The following CLIC5 variants were observed in gnomAD, a reference collection of about 807,000 sequenced individuals.
CLIC5 encodes chloride intracellular channel protein 5.
CLIC5 carries 20 observed loss-of-function variants against 24.7 expected under a neutral mutation model. That is an observed-to-expected ratio of 0.81 (90% confidence interval 0.57 to 1.18). The LOEUF is 1.18. Ranked by LOEUF, CLIC5 falls within the 50% of genes most tolerant of loss-of-function variation. CLIC5 has a pLI of 0.00. For synonymous variants in CLIC5, 159 were observed against 135.6 expected (o/e 1.17, Z -1.20); for missense variants, 341 against 326.1 (o/e 1.05, Z -0.35).
At chr6:46,046,889 T>C (rs927658075) in intron 1 of CLIC5, among the ~76,000 whole-genome samples, 1 of 152,200 alleles carries the variant, frequency 6.6e-6, no homozygotes, top group African/African-American at 2.4e-5. Flanking sequence ...AAACAATCTG[T>C]GTCCATTTAT....
chr6:45,941,372 C>G (rs1764123489), intron 4 of CLIC5, among the ~76,000 whole-genome samples, 175 bp downstream of exon 4: 1 of 148,136 alleles, frequency 6.8e-6, no homozygotes, highest in African/African-American at 2.5e-5. Context: ...CACCTCCTCC[C>G]CTGTGTCAAG....
chr6:45,967,965 A>G (rs1399111373), intron 1 of CLIC5, among the ~76,000 whole-genome samples: 1 of 152,172 alleles, frequency 6.6e-6, no homozygotes, highest in Admixed American at 6.5e-5. Flanking sequence ...ACATTTCAAC[A>G]TGAGATTTGG....
chr6:46,120,057 C>T, the CLIC5 span, among the ~76,000 whole-genome samples: 1 of 152,204 alleles, frequency 6.6e-6, no homozygotes, highest in Non-Finnish European at 1.5e-5. Flanking sequence ...ACTTAAATGT[C>T]CCTGTCTAAC....
At chr6:45,908,285 G>A (rs928040278) in intron 5 of CLIC5, among the ~76,000 whole-genome samples, 12 of 152,032 alleles carry the variant, frequency 7.9e-5, no homozygotes, top group African/African-American at 2.9e-4. Context: ...GTTCTGCTCT[G>A]ATTTTAGTTA....
intron 1 of CLIC5, among the ~76,000 whole-genome samples, chr6:46,021,107 A>G (rs1767167911): frequency 6.7e-6 from 1 of 149,896 alleles, no homozygotes; most frequent in African/African-American, 2.5e-5. Context: ...AAAAAAAAAA[A>G]AACCCAGCTA....
the CLIC5 span, among the ~76,000 whole-genome samples, chr6:46,097,671 A>C: frequency 6.6e-6 from 1 of 152,230 alleles, no homozygotes; most frequent in African/African-American, 2.4e-5. Context: ...CTTGAATTTC[A>C]CCATTCCAGG....
the CLIC5 span, among the ~76,000 whole-genome samples, chr6:46,123,907 A>C: frequency 6.6e-6 from 1 of 152,204 alleles, no homozygotes; most frequent in African/African-American, 2.4e-5. Flanking sequence ...GGCGAGCTAC[A>C]AACCACTGCT....
intron 1 of CLIC5, among the ~76,000 whole-genome samples, chr6:46,032,866 G>A (rs1249224823): frequency 6.9e-6 from 1 of 145,970 alleles, no homozygotes; most frequent in Admixed American, 6.7e-5. Context: ...GGGAGCAGAG[G>A]AAGCAGTTTC....
chr6:45,983,560 G>A (rs1169006251), intron 1 of CLIC5, among the ~76,000 whole-genome samples: 7 of 152,286 alleles, frequency 4.6e-5, no homozygotes, highest in Non-Finnish European at 7.4e-5. Flanking sequence ...AGTTACAGAC[G>A]CTTGGGATCT....
intron 1 of CLIC5, among the ~76,000 whole-genome samples, chr6:46,066,945 A>G (rs984241073): frequency 2.0e-5 from 3 of 152,152 alleles, no homozygotes; most frequent in African/African-American, 7.2e-5. Flanking sequence ...CTCCTGGGAC[A>G]CGGTGAGTGA....
the CLIC5 span, among the ~76,000 whole-genome samples, chr6:46,128,672 A>G: frequency 6.6e-6 from 1 of 152,214 alleles, no homozygotes; most frequent in Non-Finnish European, 1.5e-5. Context: ...AGGTTGAGAC[A>G]CTGGCCCATG....
At chr6:45,975,000 G>T (rs1765339440) in intron 1 of CLIC5, among the ~76,000 whole-genome samples, 2 of 152,276 alleles carry the variant, frequency 1.3e-5, no homozygotes, top group South Asian at 4.1e-4. Context: ...CAGGATTACA[G>T]ATAAAGAATT....
At chr6:45,987,939 C>G (rs141011616) in intron 1 of CLIC5, among the ~76,000 whole-genome samples, 6 of 152,188 alleles carry the variant, frequency 3.9e-5, no homozygotes, top group South Asian at 2.1e-4. Flanking sequence ...CCCTGGCCCC[C>G]CAAAGTTCAT....
chr6:46,095,434 GT>G, the CLIC5 span, among the ~76,000 whole-genome samples: 1 of 152,100 alleles, frequency 6.6e-6, no homozygotes, highest in Non-Finnish European at 1.5e-5. Context: ...CTTTGCTCAT[GT>G]ATATGAACAT....
chr6:46,011,098 TC>T (rs1451221429), intron 1 of CLIC5, among the ~76,000 whole-genome samples: 1 of 152,338 alleles, frequency 6.6e-6, no homozygotes, highest in East Asian at 1.9e-4. Context: ...ACTAGTCGTT[TC>T]CATCAGACAA....
the CLIC5 span, among the ~76,000 whole-genome samples, chr6:46,105,254 A>T: frequency 2.6e-5 from 4 of 152,022 alleles, no homozygotes; most frequent in Admixed American, 6.6e-5. Context: ...TGTTTTTTTT[A>T]AAGTTAAAAG....
At chr6:46,074,221 T>C (rs1762702843) in intron 1 of CLIC5, among the ~76,000 whole-genome samples, 3 of 152,198 alleles carry the variant, frequency 2.0e-5, no homozygotes, top group Admixed American at 1.3e-4. Context: ...TATAAAATAT[T>C]AACATTTAAG....
chr6:45,975,021 A>G (rs774254411), intron 1 of CLIC5, among the ~76,000 whole-genome samples: 1 of 152,226 alleles, frequency 6.6e-6, no homozygotes, highest in Non-Finnish European at 1.5e-5. Flanking sequence ...GTAGACCTAT[A>G]TATTTCTTTA....
At chr6:46,067,306 C>T (rs896037796) in intron 1 of CLIC5, among the ~76,000 whole-genome samples, 12 of 151,914 alleles carry the variant, frequency 7.9e-5, no homozygotes, top group Admixed American at 6.6e-5. Flanking sequence ...GGTAAATTGC[C>T]CTTTAAAAAA....
Sources: gnomAD v4.1 joint callset for allele counts (sites outside exome capture counted in the v4.1 genomes callset) on GRCh38, gnomAD v4.1.1 for gene constraint, MANE v1.5 for transcripts, NCBI Gene and HGNC (gene_info 2026-07-23, HGNC 2026-07-21) for gene names.